CPLX1: variants seen among roughly 807,000 people sequenced by gnomAD.
The protein encoded by CPLX1 is complexin-1.
Under a neutral mutation model 15.6 loss-of-function variants are expected in CPLX1, and 6 were observed. The observed-to-expected ratio is 0.39, with a 90% CI of 0.21 to 0.76. The LOEUF (loss-of-function observed/expected upper bound fraction) is 0.76. CPLX1 is among the 30% of genes least tolerant of loss of function. The pLI, the probability that CPLX1 is intolerant of heterozygous loss-of-function variation, is 0.43. For missense variants in CPLX1, 242 were observed against 188.6 expected (o/e 1.28, Z -1.66); for synonymous variants, 91 against 75.2 (o/e 1.21, Z -1.08).
intron 2 of CPLX1, among the ~76,000 whole-genome samples, chr4:808,994 G>C (rs1367850455): frequency 1.3e-5 from 2 of 151,988 alleles, no homozygotes; most frequent in South Asian, 2.1e-4. Context: ...TAGCGATAGA[G>C]ATAGAGAGCG....
At chr4:817,442 C>T (rs1293914168) in intron 2 of CPLX1, among the ~76,000 whole-genome samples, 1 of 151,126 alleles carries the variant, frequency 6.6e-6, no homozygotes, top group African/African-American at 2.4e-5. Context: ...CCTGTAATCC[C>T]AGCTACTCAG....
intron 1 of CPLX1, chr4:824,865 G>C (rs758015088): frequency 2.0e-6 from 1 of 489,376 alleles, no homozygotes; most frequent in Non-Finnish European, 3.9e-6. Context: ...GCATCGCTCA[G>C]AGGCGCCTGG....
intron 2 of CPLX1, among the ~76,000 whole-genome samples, chr4:817,064 C>G (rs769599142): frequency 2.0e-5 from 3 of 152,000 alleles, no homozygotes; most frequent in African/African-American, 4.8e-5. Flanking sequence ...TTTAAAAAGG[C>G]AACAACAAAG....
rs1488626188 is a variant in CPLX1 at position 818,503 on chromosome 4, C to T, written c.31+5989G>A. 3.9e-5 allele frequency among the ~76,000 whole-genome samples: 6 copies of T among 152,262 alleles called. No homozygotes were observed. The East Asian group carries it at 9.6e-4, about 24-fold the overall frequency. On this transcript the variant is annotated intron_variant, in intron 2 of 3. Coordinates refer to ENST00000304062, the MANE Select transcript of CPLX1 (RefSeq NM_006651.4). ...CCACAAACACCTCTTCTCTCCTCAG[C>T]AACTCTGGTGGCTTTGCAGATCTTC...
chr4:790,938 CTT>C (rs1746150871), intron 3 of CPLX1, among the ~76,000 whole-genome samples: 1 of 89,544 alleles, frequency 1.1e-5, no homozygotes, highest in East Asian at 2.5e-4. Flanking sequence ...CTCTTTTTGT[CTT>C]TTTCTCTGTC....
intron 2 of CPLX1, among the ~76,000 whole-genome samples, chr4:808,113 T>C (rs1020438414): frequency 6.6e-6 from 1 of 151,992 alleles, no homozygotes; most frequent in East Asian, 1.9e-4. Flanking sequence ...AAAAAAATTA[T>C]GAAAAATTCG....
At chr4:808,747 TAC>T (rs1274283641) in intron 2 of CPLX1, among the ~76,000 whole-genome samples, 5 of 152,230 alleles carry the variant, frequency 3.3e-5, no homozygotes, top group Non-Finnish European at 7.3e-5. Context: ...AATAATATTT[TAC>T]ACACACTTTC....
At chr4:792,726 C>T in intron 2 of CPLX1, 118 bp from the exon 3 acceptor site, 2 of 1,102,016 alleles carry the variant, frequency 1.8e-6, no homozygotes, top group Non-Finnish European at 2.5e-6. Context: ...CCACTCGACC[C>T]TCTGGCTGCC....
chr4:788,605 G>C, intron 3 of CPLX1: 1 of 985,400 alleles, frequency 1.0e-6, no homozygotes, highest in Non-Finnish European at 1.2e-6. Flanking sequence ...TGACCCTGTG[G>C]GGCAGCAAGA....
chr4:825,439 C>T (rs978699040), intron 1 of CPLX1, among the ~76,000 whole-genome samples: 1 of 151,572 alleles, frequency 6.6e-6, no homozygotes, highest in Non-Finnish European at 1.5e-5. Context: ...GAGGCTTTGC[C>T]GCAGCGCCGA....
intron 2 of CPLX1, chr4:804,857 C>T: frequency 4.1e-6 from 4 of 985,442 alleles, no homozygotes; most frequent in Middle Eastern, 5.2e-4. Context: ...TCAGCCTCCA[C>T]GGGAAAGGTG....
At chr4:802,734 G>A (rs7683578) in intron 2 of CPLX1, among the ~76,000 whole-genome samples, 1 of 152,130 alleles carries the variant, frequency 6.6e-6, no homozygotes, top group Non-Finnish European at 1.5e-5. Context: ...AGGATCAAAA[G>A]GTCAGGAGTT....
chr4:793,275 G>C (rs767461410), intron 2 of CPLX1, among the ~76,000 whole-genome samples: 1 of 152,002 alleles, frequency 6.6e-6, no homozygotes, highest in Admixed American at 6.5e-5. Flanking sequence ...AAGCTGGCAT[G>C]GGGGCTGGCA....
At chr4:825,617 G>A (rs1435924227) in intron 1 of CPLX1, among the ~76,000 whole-genome samples, 1 of 151,912 alleles carries the variant, frequency 6.6e-6, no homozygotes, top group Non-Finnish European at 1.5e-5. Flanking sequence ...GAAAGAGGGC[G>A]AGGGAGGAGA....
intron 2 of CPLX1, among the ~76,000 whole-genome samples, chr4:810,110 CAT>C (rs1746638073): frequency 6.9e-6 from 1 of 144,070 alleles, no homozygotes; most frequent in Non-Finnish European, 1.5e-5. Context: ...AGTGCAGTGG[CAT>C]GATCTCAGCT....
intron 2 of CPLX1, chr4:804,717 G>A (rs758804522): frequency 4.3e-4 from 425 of 984,548 alleles, no homozygotes; most frequent in Non-Finnish European, 4.6e-4. Flanking sequence ...GATGTCAGAG[G>A]AGACTCAACC....
chr4:812,311 AG>A (rs1746678765), intron 2 of CPLX1, among the ~76,000 whole-genome samples: 1 of 152,106 alleles, frequency 6.6e-6, no homozygotes. Context: ...TCCTCACCTC[AG>A]GTGATTCAGT....
intron 2 of CPLX1, among the ~76,000 whole-genome samples, chr4:800,044 G>A (rs893690376): frequency 3.9e-5 from 6 of 152,076 alleles, no homozygotes; most frequent in Non-Finnish European, 5.9e-5. Flanking sequence ...GCAGCCTTGT[G>A]GGACTGAGCC....
At chr4:787,484 C>A (rs1358694308) in intron 3 of CPLX1, 4 of 789,282 alleles carry the variant, frequency 5.1e-6, no homozygotes, top group African/African-American at 1.9e-5. Context: ...AGGATGGGGA[C>A]GAGGCCATCC....
Sources: gnomAD v4.1 joint callset for allele counts (sites outside exome capture counted in the v4.1 genomes callset) on GRCh38, gnomAD v4.1.1 for gene constraint, MANE v1.5 for transcripts, NCBI Gene and HGNC (gene_info 2026-07-23, HGNC 2026-07-21) for gene names.